The following SIGLEC1 variants were observed in gnomAD, a reference collection of about 807,000 sequenced individuals.
SIGLEC1 encodes sialoadhesin.
In SIGLEC1, 132 loss-of-function variants were observed where a neutral mutation model predicts 148.0. The observed-to-expected ratio is 0.89, with a 90% confidence interval of 0.77 to 1.03. The LOEUF (loss-of-function observed/expected upper bound fraction) is 1.03, where lower values mean the gene tolerates loss of function less well. Among genes scored for constraint, SIGLEC1 ranks in the 50% least tolerant of loss-of-function variants. The probability of loss-of-function intolerance (pLI) is 0.00; values close to 1 mark genes in which losing one functional copy is unlikely to be tolerated. For synonymous variants in SIGLEC1, 945 were observed against 969.0 expected, an observed-to-expected ratio of 0.98 and a Z score of 0.46; for missense variants, 2,253 against 2,271.4, an observed-to-expected ratio of 0.99 and a Z score of 0.16.
chr20:3,712,497 C>T lies in SIGLEC1; in HGVS notation c.-137G>A, dbSNP rs1480590176. 3.3e-5 allele frequency among the ~76,000 whole-genome samples: 5 copies of T among 151,806 alleles called. No individual in the cohort carries two copies. Among genetic ancestry groups the T allele is most frequent in the South Asian group, 2.1e-4 (1 of 4,776 alleles). ...GCTCCACAGAAGGAAGTGGCTGCGG[C>T]GGTGCTGGACCTGCGGAGAGGAGAA... On this transcript the variant is annotated 5_prime_UTR_variant, in exon 1 of 22. Coordinates refer to ENST00000344754, the MANE Select transcript of SIGLEC1 (RefSeq NM_023068.4).
chr20:3,691,307 G>T (rs1414558304), intron 18 of SIGLEC1, 33 bp downstream of exon 18: 2 of 1,609,408 alleles, frequency 1.2e-6, no homozygotes, highest in Non-Finnish European at 8.5e-7. Context: ...GAGATGTGGG[G>T]AGACTAAGGC....
intron 7 of SIGLEC1, among the ~76,000 whole-genome samples, chr20:3,699,789 C>T (rs2087835246): frequency 6.6e-6 from 1 of 150,864 alleles, no homozygotes; most frequent in South Asian, 2.1e-4. Flanking sequence ...CCAGCCTAGG[C>T]AACATAGTGA....
At chr20:3,699,854 A>G (rs1003930403) in intron 7 of SIGLEC1, among the ~76,000 whole-genome samples, 1 of 151,552 alleles carries the variant, frequency 6.6e-6, no homozygotes, top group Non-Finnish European at 1.5e-5. Context: ...TCTGTCTCCC[A>G]GGCTGGAGTG....
chr20:3,706,182 G>A, intron 3 of SIGLEC1, 142 bp from the exon 4 acceptor site: 1 of 1,283,410 alleles, frequency 7.8e-7, no homozygotes. Context: ...GCCCCACTTG[G>A]GTGAATACAA....
At position 3,704,004 on chromosome 20, in the gene SIGLEC1, T is replaced by C. The variant is rs1362043690; in HGVS notation, c.794A>G (p.Asn265Ser). 2 of 1,612,902 alleles carry C rather than the reference T, an allele frequency of 1.2e-6. No homozygotes were observed. The highest frequency in any genetic ancestry group is 1.7e-6 in the Non-Finnish European group (2 of 1,179,352). ...GGAACTGACTGCAGGGTAGCTGCTG[T>C]TCACCTGGCAGGTGAGTGTGACCAG... ...GELVTLTCQV[N>S]SSYPAVSSIK... The change falls in exon 5 of 22, where the codon AAC becomes AGC. Residue 265 changes from asparagine to serine, a missense_variant. Coordinates refer to ENST00000344754, the MANE Select transcript of SIGLEC1 (RefSeq NM_023068.4).
intron 13 of SIGLEC1, 67 bp from the exon 14 acceptor site, chr20:3,693,765 TC>T: frequency 6.8e-7 from 1 of 1,460,480 alleles, no homozygotes; most frequent in South Asian, 1.5e-5. Context: ...GCCACCTGTC[TC>T]CATGTGGGTG....
chr20:3,692,667 T>A lies in SIGLEC1; in HGVS notation c.3884A>T (p.Tyr1295Phe). The A allele has an allele frequency of 6.2e-7, 1 of 1,613,102 alleles. No homozygotes were observed. Among genetic ancestry groups the A allele is most frequent in the South Asian group, 1.1e-5 (1 of 91,090 alleles). The change falls in exon 16 of 22, where the codon TAC becomes TTC. Residue 1295 changes from tyrosine (Y) to phenylalanine (F), a missense_variant. Coordinates refer to ENST00000344754, the MANE Select transcript of SIGLEC1 (RefSeq NM_023068.4). ...AAHAPTLYTW[Y>F]HNGRWLQEGP... is the part of the protein sequence containing the mutation. ...CTCCTGCAGCCAACGACCGTTGTGG[T>A]ACCAAGTATAGAGTGTGGGTGCGTG...
intron 17 of SIGLEC1, 142 bp from the exon 18 acceptor site, chr20:3,691,742 T>C: frequency 3.0e-6 from 4 of 1,340,486 alleles, no homozygotes; most frequent in Non-Finnish European, 4.1e-6. Flanking sequence ...GGTGGAACCA[T>C]GCCCCCTCCA....
intron 6 of SIGLEC1, chr20:3,702,936 GA>G: frequency 2.0e-6 from 1 of 488,786 alleles, no homozygotes; most frequent in Non-Finnish European, 3.7e-6. Context: ...TAATAAATGG[GA>G]AATCTAGGTT....
chr20:3,704,468 G>T (rs2087878141), intron 4 of SIGLEC1, among the ~76,000 whole-genome samples: 1 of 152,226 alleles, frequency 6.6e-6, no homozygotes, highest in African/African-American at 2.4e-5. Context: ...CTATTGGTAA[G>T]GGACCAACTA....
At chr20:3,694,952 G>A in intron 11 of SIGLEC1, 29 bp from the exon 12 acceptor site, 1 of 1,595,234 alleles carries the variant, frequency 6.3e-7, no homozygotes, top group Non-Finnish European at 8.5e-7. Context: ...AGCAGGTGAG[G>A]GCTCTCCACC....
intron 8 of SIGLEC1, 133 bp downstream of exon 8, chr20:3,699,069 C>CTG: frequency 9.7e-7 from 1 of 1,030,908 alleles, no homozygotes; most frequent in East Asian, 2.6e-5. Context: ...GAAAGACCCA[C>CTG]TGTGGCCAGG....
chr20:3,689,297 C>T, intron 20 of SIGLEC1, 70 bp from the exon 21 acceptor site: 6 of 1,353,576 alleles, frequency 4.4e-6, no homozygotes, highest in Non-Finnish European at 6.4e-6. Flanking sequence ...CTCTCCCGCT[C>T]CCCACAGGCT....
Position 3,692,870 on chromosome 20 carries a change from CGCAGCTCCAG to C in SIGLEC1, c.3760_3769del (p.Leu1254GlyfsTer7). 1 of 1,608,904 alleles carries C rather than the reference CGCAGCTCCAG, an allele frequency of 6.2e-7. No individual in the cohort carries two copies. The highest frequency in any genetic ancestry group is 8.5e-7 in the Non-Finnish European group (1 of 1,178,308). On this transcript the variant is annotated frameshift_variant, in exon 15 of 22. Coordinates refer to ENST00000344754, the MANE Select transcript of SIGLEC1 (RefSeq NM_023068.4). LOFTEE classifies it high-confidence loss of function. ...CCTAGGCCCTGCCTTACCCTCCAGCCGCAGCTCCAGGGACGTGTTGGCCTGGCCCAGAGGG... is the reference window on the plus strand; with the variant it reads ...CCTAGGCCCTGCCTTACCCTCCAGCCGGACGTGTTGGCCTGGCCCAGAGGG...
In SIGLEC1 at chr20:3,703,280, C is replaced by T; in HGVS notation, c.1145G>A (p.Arg382Lys). Residue 382 changes from arginine (R) to lysine (K), a missense_variant, in exon 6 of 22, where the codon AGG becomes AAG. Physicochemically the swap from Arg to Lys is conservative, Grantham distance 26. Coordinates refer to ENST00000344754, the MANE Select transcript of SIGLEC1 (RefSeq NM_023068.4). ...SHTLRLHLAT[R>K]ADTGFYFCEV... is the part of the protein sequence containing the mutation. ...ACAGAAGTAGAAGCCAGTATCAGCCCTAGTGGCCAAGTGCAGCCGGAGGGT... is the reference window on the plus strand; with the variant it reads ...ACAGAAGTAGAAGCCAGTATCAGCCTTAGTGGCCAAGTGCAGCCGGAGGGT... 4 of 1,614,194 alleles carry T rather than the reference C, an allele frequency of 2.5e-6. No homozygotes were observed. Among genetic ancestry groups the T allele is most frequent in the Non-Finnish European group, 3.4e-6 (4 of 1,180,028 alleles).
rs1381123438 is a variant in SIGLEC1 at position 3,701,474 on chromosome 20, T to C, written c.1396A>G (p.Ser466Gly). Residue 466 changes from serine (S) to glycine (G), a missense_variant, in exon 7 of 22, where the codon AGT becomes GGT. Transcript: ENST00000344754. ...SGDSDHSPRF[S>G]GTSGPNSLRL... ...AGGGAGTTGGGACCAGAGGTACCACTGAAGCGTGGGCTGTGATCACTGTCC... is the reference window on the plus strand; with the variant it reads ...AGGGAGTTGGGACCAGAGGTACCACCGAAGCGTGGGCTGTGATCACTGTCC... 2 of 1,613,986 alleles carry C rather than the reference T, an allele frequency of 1.2e-6. No individual in the cohort carries two copies. Among genetic ancestry groups the C allele is most frequent in the African/African-American group, 2.7e-5 (2 of 74,948 alleles).
In SIGLEC1 at chr20:3,707,187, G is replaced by A. The variant is rs943047833; in HGVS notation, c.-59C>T. The A allele has an allele frequency of 2.6e-6, 4 of 1,517,822 alleles. No individual in the cohort carries two copies. The highest frequency in any genetic ancestry group is 2.7e-6 in the Non-Finnish European group (3 of 1,095,442). 94.0% of individuals were successfully genotyped at this position (1,517,822 alleles called of 1,614,324 possible). A position where few individuals can be genotyped will look rare whatever the true frequency, so the allele number is the denominator to read the frequency against. On this transcript the variant is annotated 5_prime_UTR_variant, in exon 2 of 22. Transcript: ENST00000344754. ...GGGTGGTGCGCACTGCGCTGGCTGG[G>A]CTCACAGGGGCCTCCAGGGACACCT...
At chr20:3,699,646 G>A (rs1264482931) in intron 7 of SIGLEC1, among the ~76,000 whole-genome samples, 187 bp from the exon 8 acceptor site, 1 of 152,176 alleles carries the variant, frequency 6.6e-6, no homozygotes, top group Non-Finnish European at 1.5e-5. Flanking sequence ...GCTGCAGCAT[G>A]GTTGAAGATT....
rs963079421 is a variant in SIGLEC1 at position 3,697,136 on chromosome 20, G to A, written c.2329C>T (p.Leu777=). 2.5e-6 allele frequency: 4 copies of A among 1,613,618 alleles called. No individual in the cohort carries two copies. Among genetic ancestry groups the A allele is most frequent in the Middle Eastern group, 3.3e-4 (2 of 6,062 alleles). The part of the protein sequence containing the change: ...TDAALYACRI[L]TEAGAQLSTP... ...GAGAGCTGGGCACCAGCCTCAGTCA[G>A]GATGCGGCAGGCGTAAAGGGCAGCA... The change falls in exon 10 of 22, where the codon CTG becomes TTG. Residue 777 remains leucine (L), a synonymous_variant. Coordinates refer to ENST00000344754, the MANE Select transcript of SIGLEC1 (RefSeq NM_023068.4).
Sources: gnomAD v4.1 joint callset for allele counts (sites outside exome capture counted in the v4.1 genomes callset) on GRCh38, gnomAD v4.1.1 for gene constraint, MANE v1.5 for transcripts, NCBI Gene and HGNC (gene_info 2026-07-23, HGNC 2026-07-21) for gene names.